Variants in EFCC1 observed in about 807,000 individuals in gnomAD.
EFCC1 encodes EF-hand and coiled-coil domain containing 1, also known as EF-hand and coiled-coil domain-containing protein 1.
In EFCC1, 50 loss-of-function variants were observed where a neutral mutation model predicts 52.1. That is an observed-to-expected ratio of 0.96 (90% CI 0.76 to 1.21). EFCC1 has a LOEUF of 1.21. Among genes scored for constraint, EFCC1 ranks in the 50% most tolerant of loss-of-function variants. The probability of loss-of-function intolerance (pLI) is 0.00; values close to 1 mark genes in which losing one functional copy is unlikely to be tolerated. For missense variants in EFCC1, 837 were observed against 867.3 expected (o/e 0.97, Z 0.44); for synonymous variants, 399 against 396.5 (o/e 1.01, Z -0.08).
chr3:129,011,645 T>G (rs1411009031), intron 2 of EFCC1, among the ~76,000 whole-genome samples: 1 of 151,912 alleles, frequency 6.6e-6, no homozygotes, highest in African/African-American at 2.4e-5. Flanking sequence ...GGGGCAGGCC[T>G]TGAAAAGCAA....
intron 2 of EFCC1, among the ~76,000 whole-genome samples, chr3:129,027,455 T>C (rs1211280132): frequency 6.6e-6 from 1 of 152,114 alleles, no homozygotes; most frequent in Non-Finnish European, 1.5e-5. Flanking sequence ...GCCCAGACTC[T>C]CCGCGGGGGC....
chr3:129,022,884 G>A (rs1045597568), intron 2 of EFCC1, among the ~76,000 whole-genome samples: 1 of 152,238 alleles, frequency 6.6e-6, no homozygotes, highest in Non-Finnish European at 1.5e-5. Flanking sequence ...GGGCAGGGAG[G>A]TTGGGCCTTT....
intron 2 of EFCC1, among the ~76,000 whole-genome samples, chr3:129,018,773 T>C (rs1945699681): frequency 6.6e-6 from 1 of 152,234 alleles, no homozygotes; most frequent in African/African-American, 2.4e-5. Context: ...TATCTTCTTG[T>C]TGGGATGTGT....
intron 4 of EFCC1, 122 bp from the exon 5 acceptor site, chr3:129,034,042 G>A: frequency 8.1e-7 from 1 of 1,233,428 alleles, no homozygotes; most frequent in Non-Finnish European, 1.2e-6. Context: ...TGGGCAGGCA[G>A]GTGCCGTGGC....
At chr3:129,027,437 C>T (rs1946156084) in intron 2 of EFCC1, among the ~76,000 whole-genome samples, 1 of 152,198 alleles carries the variant, frequency 6.6e-6, no homozygotes. Flanking sequence ...AGCCCGCGCC[C>T]CTCACCTGCC....
intron 7 of EFCC1, among the ~76,000 whole-genome samples, 159 bp downstream of exon 7, chr3:129,039,059 G>A (rs1215715164): frequency 6.6e-6 from 1 of 152,218 alleles, no homozygotes; most frequent in Non-Finnish European, 1.5e-5. Context: ...TTTAGCAAGA[G>A]CAGAGGCACA....
Position 129,002,034 on chromosome 3 carries a change from G to A in EFCC1, c.406G>A (p.Glu136Lys), listed in dbSNP as rs1448679388. ...AGAGGCGCGCCTGGCGCTGCGCGCC[G>A]AGCCGCCGGAGCTCACCTTCCGCCA... is the stretch of plus-strand genomic sequence containing the variant. ...DEEARLALRA[E>K]PPELTFRQFH... The change falls in exon 1 of 8, where the codon GAG becomes AAG. Residue 136 changes from glutamate to lysine, a missense_variant. Transcript: ENST00000683648. 2 of 1,543,990 alleles carry A rather than the reference G, an allele frequency of 1.3e-6. No individual in the cohort carries two copies. The highest frequency in any genetic ancestry group is 2.5e-5 in the East Asian group (1 of 40,344).
chr3:129,035,045 T>G (rs1159973115), intron 5 of EFCC1, among the ~76,000 whole-genome samples: 4 of 151,970 alleles, frequency 2.6e-5, no homozygotes, highest in Non-Finnish European at 5.9e-5. Flanking sequence ...AAAGTCTCTA[T>G]TCCACAGTAG....
Position 129,030,846 on chromosome 3 carries a change from G to A in EFCC1, c.1124G>A (p.Arg375Lys). The A allele has an allele frequency of 6.4e-7, 1 of 1,551,246 alleles. No homozygotes were observed. The highest frequency in any genetic ancestry group is 8.7e-7 in the Non-Finnish European group (1 of 1,146,782). Reference sequence around the variant, plus strand: ...CAGTCAGACAGCAGCTCTGGAAGCAGAGCCCTGGATGAAGGTTTGTCCCCT... The same window carrying A: ...CAGTCAGACAGCAGCTCTGGAAGCAAAGCCCTGGATGAAGGTTTGTCCCCT... ...AWQSDSSSGS[R>K]ALDEAVDEQL... is the part of the protein sequence containing the mutation. Residue 375 changes from arginine to lysine, a missense_variant, in exon 3 of 8, where the codon AGA becomes AAA. Transcript: ENST00000683648.
At chr3:129,034,956 G>A (rs1946337206) in intron 5 of EFCC1, among the ~76,000 whole-genome samples, 1 of 152,012 alleles carries the variant, frequency 6.6e-6, no homozygotes, top group African/African-American at 2.4e-5. Flanking sequence ...AGGAAGAAGA[G>A]GGAAAGGGGG....
chr3:129,028,644 T>C (rs1946198953), intron 2 of EFCC1, among the ~76,000 whole-genome samples: 1 of 144,550 alleles, frequency 6.9e-6, no homozygotes, highest in Non-Finnish European at 1.5e-5. Context: ...CTTTTTTCTT[T>C]TTTTTTTCTT....
intron 7 of EFCC1, among the ~76,000 whole-genome samples, chr3:129,039,430 C>G (rs1044314365): frequency 1.3e-5 from 2 of 152,224 alleles, no homozygotes; most frequent in Admixed American, 1.3e-4. Flanking sequence ...CAACCAAGAG[C>G]CCTTTGCTCG....
At chr3:129,033,573 T>C (rs1023542030) in intron 4 of EFCC1, among the ~76,000 whole-genome samples, 1 of 152,184 alleles carries the variant, frequency 6.6e-6, no homozygotes, top group African/African-American at 2.4e-5. Context: ...CAGTTATTAA[T>C]GTATGGTAAA....
At chr3:129,038,710 G>A (rs758041125) in intron 6 of EFCC1, 121 bp from the exon 7 acceptor site, 183 of 923,774 alleles carry the variant, frequency 2.0e-4, no homozygotes, top group Middle Eastern at 3.3e-4. Flanking sequence ...TGAGGGTGGG[G>A]GAGGAGCTTT....
chr3:129,003,767 C>G (rs942597923), intron 1 of EFCC1, 27 bp from the exon 2 acceptor site: 2 of 1,393,090 alleles, frequency 1.4e-6, no homozygotes, highest in South Asian at 1.5e-5. Flanking sequence ...GCACTTACCC[C>G]CTGCCCCTGC....
intron 5 of EFCC1, among the ~76,000 whole-genome samples, chr3:129,035,756 T>C (rs1946346466): frequency 6.6e-6 from 1 of 152,190 alleles, no homozygotes; most frequent in Non-Finnish European, 1.5e-5. Context: ...CCAAGTAGCA[T>C]GGCATGGCGG....
chr3:129,012,140 G>A (rs1945356157), intron 2 of EFCC1, among the ~76,000 whole-genome samples: 1 of 152,212 alleles, frequency 6.6e-6, no homozygotes, highest in Admixed American at 6.5e-5. Flanking sequence ...ACCTATGTAT[G>A]TTGCACATTT....
intron 6 of EFCC1, among the ~76,000 whole-genome samples, chr3:129,038,467 C>CT (rs1456027874): frequency 2.0e-5 from 3 of 152,242 alleles, no homozygotes; most frequent in African/African-American, 7.2e-5. Context: ...CCCAGCATTG[C>CT]TTTTTTCTGC....
At position 129,030,642 on chromosome 3, in the gene EFCC1, T is replaced by C. The variant is rs865876663; in HGVS notation, c.981-61T>C. ...TCATAGACAGCTTGCCCATGTACAGTGGGGAATGGAAGAGTCCTGTACTCT... is the reference window on the plus strand; with the variant it reads ...TCATAGACAGCTTGCCCATGTACAGCGGGGAATGGAAGAGTCCTGTACTCT... On this transcript the variant is annotated intron_variant, in intron 2 of 7. Coordinates refer to ENST00000683648, the MANE Select transcript of EFCC1 (RefSeq NM_001377500.1). The C allele has an allele frequency of 8.5e-5, 128 of 1,506,750 alleles. No homozygotes were observed. The African/African-American group carries it at 1.5e-3, about 18-fold the overall frequency. The allele number at this position is 1,506,750 out of a possible 1,614,324, so 93.3% of individuals were successfully genotyped here. A position where few individuals can be genotyped will look rare whatever the true frequency, so the allele number is the denominator to read the frequency against.
Sources: gnomAD v4.1 joint callset for allele counts (sites outside exome capture counted in the v4.1 genomes callset) on GRCh38, gnomAD v4.1.1 for gene constraint, MANE v1.5 for transcripts, NCBI Gene and HGNC (gene_info 2026-07-23, HGNC 2026-07-21) for gene names.